The following ZCCHC24 variants were observed in gnomAD, a reference collection of about 807,000 sequenced individuals.
The protein encoded by ZCCHC24 is zinc finger CCHC-type containing 24.
Under a neutral mutation model 26.2 loss-of-function variants are expected in ZCCHC24, and 10 were observed. That is an observed-to-expected ratio of 0.38 (90% CI 0.24 to 0.65). ZCCHC24 has a LOEUF of 0.65. Among genes scored for constraint, ZCCHC24 ranks in the 30% least tolerant of loss-of-function variants. ZCCHC24 has a pLI of 0.54. For synonymous variants in ZCCHC24, 144 were observed against 147.1 expected (o/e 0.98, Z 0.15); for missense variants, 243 against 329.1 (o/e 0.74, Z 2.03).
rs1431017293 is a variant in ZCCHC24, at chr10:79,395,877, T to C, written c.448-1437A>G. On this transcript the variant is annotated intron_variant, in intron 2 of 3. Transcript: ENST00000372336. ...TATCTTACAGTTTACCCATTTAAAGTGGACAAATCAATTGGTTTTAAGTAA... is the reference window on the plus strand; with the variant it reads ...TATCTTACAGTTTACCCATTTAAAGCGGACAAATCAATTGGTTTTAAGTAA... Among the ~76,000 whole-genome samples, 6 of 152,220 alleles carry C rather than the reference T, an allele frequency of 3.9e-5. No homozygotes were observed. The East Asian group carries it at 9.6e-4, about 24-fold the overall frequency.
At chr10:79,442,113 A>G (rs1466737054) in intron 1 of ZCCHC24, among the ~76,000 whole-genome samples, 1 of 152,230 alleles carries the variant, frequency 6.6e-6, no homozygotes, top group Non-Finnish European at 1.5e-5. Flanking sequence ...GGCTCAGCCA[A>G]GGGCCTTAGG....
At chr10:79,428,249 G>A (rs1478188518) in intron 2 of ZCCHC24, among the ~76,000 whole-genome samples, 1 of 152,218 alleles carries the variant, frequency 6.6e-6, no homozygotes, top group Non-Finnish European at 1.5e-5. Flanking sequence ...ATTATGCTAA[G>A]TGAACTGAGC....
chr10:79,420,659 G>T (rs553342960), intron 2 of ZCCHC24, among the ~76,000 whole-genome samples: 1 of 152,092 alleles, frequency 6.6e-6, no homozygotes, highest in Admixed American at 6.5e-5. Flanking sequence ...CATGTCTATA[G>T]TTCCAGCTAC....
chr10:79,431,208 C>A (rs1044104626), intron 2 of ZCCHC24, among the ~76,000 whole-genome samples: 22 of 152,304 alleles, frequency 1.4e-4, no homozygotes, highest in African/African-American at 5.3e-4. Context: ...GTGCAACAGG[C>A]TATGGACTGC....
chr10:79,406,212 C>T (rs943551867), intron 2 of ZCCHC24, among the ~76,000 whole-genome samples: 1 of 152,176 alleles, frequency 6.6e-6, no homozygotes, highest in Non-Finnish European at 1.5e-5. Context: ...TGTCCAAGGT[C>T]ACAAAGCAAA....
rs1054241478 is a variant in ZCCHC24, at chr10:79,385,572, G to T, written c.*773C>A. 1 of 152,322 alleles carries T rather than the reference G, an allele frequency of 6.6e-6. No individual in the cohort carries two copies. The highest frequency in any genetic ancestry group is 1.5e-5 in the Non-Finnish European group (1 of 68,108). The allele number at this position is 152,322 out of a possible 1,614,324, so 9.4% of individuals were successfully genotyped here. A position where few individuals can be genotyped will look rare whatever the true frequency, so the allele number is the denominator to read the frequency against. On this transcript the variant is annotated 3_prime_UTR_variant, in exon 4 of 4. Transcript: ENST00000372336. The surrounding 1 kb of genome is among the most constrained non-coding windows in gnomAD (Gnocchi z 4.3). ...ATCTTGATGTGGACCCCCAGAGTGG[G>T]TGGGAGGCAGAGGGGAAGGAAAGGG...
At position 79,383,542 on chromosome 10, in the gene ZCCHC24, CTT is replaced by C; in HGVS notation, c.*2801_*2802del. 6.6e-6 allele frequency: 1 copy of C among 152,388 alleles called. No individual in the cohort carries two copies. Among genetic ancestry groups the C allele is most frequent in the East Asian group, 1.9e-4 (1 of 5,312 alleles). The allele number at this position is 152,388 out of a possible 1,614,324, so 9.4% of individuals were successfully genotyped here. On this transcript the variant is annotated 3_prime_UTR_variant, in exon 4 of 4. Transcript: ENST00000372336. ...TCCAGAAATCTTTGTTTGATATTCT[CTT>C]GCCCTCCTGAAAGTTCTGAAATTTT...
rs1857357369 is a variant in ZCCHC24 at position 79,445,607 on chromosome 10, C to T, written c.-167G>A. 5 of 455,972 alleles carry T rather than the reference C, an allele frequency of 1.1e-5. No individual in the cohort carries two copies. The highest frequency in any genetic ancestry group is 1.5e-5 in the Non-Finnish European group (5 of 344,004). The allele number at this position is 455,972 out of a possible 1,614,324, so 28.2% of individuals were successfully genotyped here. A position where few individuals can be genotyped will look rare whatever the true frequency, so the allele number is the denominator to read the frequency against. On this transcript the variant is annotated 5_prime_UTR_variant, in exon 1 of 4. Transcript: ENST00000372336. Reference sequence around the variant, plus strand: ...CGCTGCCCGCAGCCGCTGCCGCTGCCGCCGCCTCCCCCCGACTGCGGCCCC... The same window carrying T: ...CGCTGCCCGCAGCCGCTGCCGCTGCTGCCGCCTCCCCCCGACTGCGGCCCC...
intron 2 of ZCCHC24, among the ~76,000 whole-genome samples, chr10:79,419,726 C>T (rs1351772400): frequency 2.0e-5 from 3 of 152,154 alleles, no homozygotes; most frequent in Non-Finnish European, 1.5e-5. Context: ...GGAGGTGACA[C>T]TTGGAGCTAT....
At chr10:79,423,270 G>T (rs1856971731) in intron 2 of ZCCHC24, among the ~76,000 whole-genome samples, 1 of 151,976 alleles carries the variant, frequency 6.6e-6, no homozygotes, top group Non-Finnish European at 1.5e-5. Flanking sequence ...TTATTTTCTG[G>T]CTGGGCATGG....
At chr10:79,391,718 C>T (rs1234284854) in intron 3 of ZCCHC24, among the ~76,000 whole-genome samples, 1 of 151,932 alleles carries the variant, frequency 6.6e-6, no homozygotes, top group Non-Finnish European at 1.5e-5. Context: ...ATCCTCCGGG[C>T]CCCCGGTCTA....
intron 2 of ZCCHC24, among the ~76,000 whole-genome samples, chr10:79,411,624 T>C (rs775356935): frequency 7.9e-5 from 12 of 152,142 alleles, no homozygotes; most frequent in Non-Finnish European, 1.5e-4. Context: ...CTCATTCCAC[T>C]GCCCACGGGT....
intron 1 of ZCCHC24, chr10:79,443,966 T>G: frequency 8.3e-7 from 1 of 1,200,074 alleles, no homozygotes; most frequent in Non-Finnish European, 1.1e-6. Context: ...TATATGTCCA[T>G]GCCTCCCCTA....
chr10:79,403,617 C>T (rs532717528), intron 2 of ZCCHC24: 9 of 984,700 alleles, frequency 9.1e-6, no homozygotes, highest in Non-Finnish European at 1.1e-5. Flanking sequence ...CCTCTGGAGC[C>T]TCAAGGGCCT....
At chr10:79,426,011 G>A (rs1456834103) in intron 2 of ZCCHC24, among the ~76,000 whole-genome samples, 2 of 152,142 alleles carry the variant, frequency 1.3e-5, no homozygotes, top group Admixed American at 1.3e-4. Flanking sequence ...ATTCAGAATT[G>A]GCTTCTAGCA....
chr10:79,425,572 A>G (rs1200893464), intron 2 of ZCCHC24, among the ~76,000 whole-genome samples: 1 of 152,250 alleles, frequency 6.6e-6, no homozygotes, highest in Non-Finnish European at 1.5e-5. Context: ...CTCTGGAATC[A>G]GGAGCACCTG....
rs1268004121 is a variant in ZCCHC24, at chr10:79,386,152, G to T, written c.*193C>A. The T allele has an allele frequency of 1.6e-5, 10 of 609,404 alleles. No homozygotes were observed. Among genetic ancestry groups the T allele is most frequent in the South Asian group, 1.2e-4 (6 of 50,252 alleles). 37.7% of individuals were successfully genotyped at this position (609,404 alleles called of 1,614,324 possible). ...AGACTCCCTGCTTTCCCTGGCCTGT[G>T]GGGGGCAGCAATGTCAGTAACACTG... On this transcript the variant is annotated 3_prime_UTR_variant, in exon 4 of 4. Coordinates refer to ENST00000372336, the MANE Select transcript of ZCCHC24 (RefSeq NM_153367.4).
chr10:79,439,004 C>T (rs1298518098), intron 1 of ZCCHC24, among the ~76,000 whole-genome samples: 1 of 152,196 alleles, frequency 6.6e-6, no homozygotes, highest in Non-Finnish European at 1.5e-5. Flanking sequence ...GGAAAGGACC[C>T]GCATATTTAG....
chr10:79,389,576 T>C (rs1856447485), intron 3 of ZCCHC24, among the ~76,000 whole-genome samples: 1 of 136,218 alleles, frequency 7.3e-6, no homozygotes, highest in East Asian at 2.2e-4. Context: ...GTCTGTGTGA[T>C]AGAGAAGTAA....
Sources: gnomAD v4.1 joint callset for allele counts (sites outside exome capture counted in the v4.1 genomes callset) on GRCh38, gnomAD v4.1.1 for gene constraint, Gnocchi (gnomAD v3.1) non-coding constraint, MANE v1.5 for transcripts, NCBI Gene and HGNC (gene_info 2026-07-23, HGNC 2026-07-21) for gene names.